Variants in MAP3K7CL observed in about 807,000 individuals in gnomAD.
MAP3K7CL encodes the protein MAP3K7 C-terminal-like protein.
MAP3K7CL carries 16 observed loss-of-function variants against 18.6 expected under a neutral mutation model. The ratio of observed to expected loss-of-function variants is 0.86; its 90% CI spans 0.58 to 1.31. MAP3K7CL has a LOEUF of 1.31. Among genes scored for constraint, MAP3K7CL ranks in the 50% most tolerant of loss-of-function variants. The pLI, the probability that MAP3K7CL is intolerant of heterozygous loss-of-function variation, is 0.00. For missense variants in MAP3K7CL, 163 were observed against 174.4 expected (o/e 0.93, Z 0.37); for synonymous variants, 65 against 66.8 (o/e 0.97, Z 0.13).
chr21:29,135,942 C>T (rs2086876377), intron 2 of MAP3K7CL, among the ~76,000 whole-genome samples: 1 of 152,152 alleles, frequency 6.6e-6, no homozygotes, highest in Admixed American at 6.5e-5. Flanking sequence ...AGGGCACCTA[C>T]CTGGAGAACC....
intron 4 of MAP3K7CL, among the ~76,000 whole-genome samples, chr21:29,094,282 T>C (rs558326740): frequency 1.3e-5 from 2 of 152,358 alleles, no homozygotes; most frequent in South Asian, 4.1e-4. Context: ...ATGTCCATAG[T>C]GCTGAATTTG....
chr21:29,086,359 C>T (rs1242645523), intron 1 of MAP3K7CL, among the ~76,000 whole-genome samples: 1 of 152,100 alleles, frequency 6.6e-6, no homozygotes. Flanking sequence ...AAATGAACTT[C>T]TCGAGGTTCA....
chr21:29,136,636 T>C (rs1418873726), intron 2 of MAP3K7CL, among the ~76,000 whole-genome samples: 1 of 152,124 alleles, frequency 6.6e-6, no homozygotes, highest in South Asian at 2.1e-4. Context: ...TTCTTCTGCC[T>C]GAGCCTCCTG....
intron 4 of MAP3K7CL, among the ~76,000 whole-genome samples, chr21:29,096,273 G>A (rs2086120155): frequency 6.6e-6 from 1 of 152,146 alleles, no homozygotes; most frequent in Non-Finnish European, 1.5e-5. Context: ...GCGTACTTTG[G>A]GCCAAGCACT....
chr21:29,124,549 C>G (rs2086652254), intron 4 of MAP3K7CL, among the ~76,000 whole-genome samples: 1 of 152,182 alleles, frequency 6.6e-6, no homozygotes, highest in African/African-American at 2.4e-5. Context: ...CACGTTATTC[C>G]CATCTGGGGA....
At chr21:29,159,877 A>G in intron 3 of MAP3K7CL, 64 bp from the exon 4 acceptor site, 1 of 1,342,336 alleles carries the variant, frequency 7.4e-7, no homozygotes, top group Non-Finnish European at 1.1e-6. Context: ...ATCAGCGAGC[A>G]AAATGGTTGG....
intron 2 of MAP3K7CL, among the ~76,000 whole-genome samples, chr21:29,148,510 A>G (rs1025763499): frequency 1.3e-5 from 2 of 152,212 alleles, no homozygotes; most frequent in Admixed American, 6.5e-5. Context: ...ATCCAGCAAC[A>G]GCTGCCTATT....
At chr21:29,082,997 T>G (rs1175212998), upstream of MAP3K7CL, among the ~76,000 whole-genome samples, 1 of 152,136 alleles carries the variant, frequency 6.6e-6, no homozygotes, top group Non-Finnish European at 1.5e-5. Flanking sequence ...GAAAAAACTC[T>G]AGCTAAACAT....
At chr21:29,166,187 A>G (rs1175123874) in intron 4 of MAP3K7CL, among the ~76,000 whole-genome samples, 3 of 152,102 alleles carry the variant, frequency 2.0e-5, no homozygotes, top group Admixed American at 6.6e-5. Flanking sequence ...ACCTCTGGTA[A>G]TCACTATTCT....
At chr21:29,102,203 T>C (rs1221625915) in intron 4 of MAP3K7CL, among the ~76,000 whole-genome samples, 2 of 152,166 alleles carry the variant, frequency 1.3e-5, no homozygotes, top group Admixed American at 1.3e-4. Flanking sequence ...GCGAACTGAG[T>C]CCAGGTTGGA....
At chr21:29,148,089 TTATA>T (rs1045040121) in intron 2 of MAP3K7CL, among the ~76,000 whole-genome samples, 2 of 152,044 alleles carry the variant, frequency 1.3e-5, no homozygotes, top group African/African-American at 4.8e-5. Context: ...TATATCTCTA[TTATA>T]TATGTATGTG....
In MAP3K7CL at chr21:29,159,953, T is replaced by G; in HGVS notation, c.145T>G (p.Cys49Gly). ...LDQQLQPLPP[C>G]HDSEESMEVF... ...GTTGTTTGTGAAGCCCCTGCCGCCTTGTCATGACTCCGAGGAATCCATGGA... is the reference window on the plus strand; with the variant it reads ...GTTGTTTGTGAAGCCCCTGCCGCCTGGTCATGACTCCGAGGAATCCATGGA... Residue 49 changes from cysteine (C) to glycine (G), a missense_variant, in exon 4 of 5, where the codon TGT becomes GGT. Physicochemically the swap from Cys to Gly is radical, Grantham distance 159. Transcript: ENST00000399928. The G allele has an allele frequency of 6.2e-7, 1 of 1,613,700 alleles. No homozygotes were observed.
intron 3 of MAP3K7CL, 136 bp from the exon 4 acceptor site, chr21:29,159,805 T>G (rs2087498052): frequency 1.6e-6 from 1 of 620,982 alleles, no homozygotes; most frequent in Non-Finnish European, 2.8e-6. Context: ...GAATGTTGAC[T>G]GACAATGCTG....
At chr21:29,094,255 C>A (rs573069865) in intron 4 of MAP3K7CL, among the ~76,000 whole-genome samples, 3 of 152,360 alleles carry the variant, frequency 2.0e-5, no homozygotes, top group African/African-American at 7.2e-5. Context: ...CCCGCAACAA[C>A]AATTATCTGG....
intron 4 of MAP3K7CL, among the ~76,000 whole-genome samples, chr21:29,165,628 G>A (rs1255256371): frequency 6.6e-6 from 1 of 152,204 alleles, no homozygotes; most frequent in African/African-American, 2.4e-5. Context: ...CTGCAGTGCA[G>A]CAGTGCGATC....
At chr21:29,108,390 T>C (rs2086361223) in intron 4 of MAP3K7CL, among the ~76,000 whole-genome samples, 1 of 152,190 alleles carries the variant, frequency 6.6e-6, no homozygotes. Flanking sequence ...AGCCTAGAAC[T>C]GTGAGAAATA....
At chr21:29,133,261 G>C (rs1222557588) in intron 1 of MAP3K7CL, 45 bp from the exon 2 acceptor site, 1 of 1,444,070 alleles carries the variant, frequency 6.9e-7, no homozygotes, top group Non-Finnish European at 9.5e-7. Flanking sequence ...TATTTAGGGG[G>C]ATGATGCTGG....
At chr21:29,167,893 G>A (rs1381128548) in intron 4 of MAP3K7CL, among the ~76,000 whole-genome samples, 1 of 151,926 alleles carries the variant, frequency 6.6e-6, no homozygotes, top group Non-Finnish European at 1.5e-5. Flanking sequence ...TAGAGATGGG[G>A]TTTCGCCATG....
intron 3 of MAP3K7CL, among the ~76,000 whole-genome samples, chr21:29,159,016 G>T (rs1215205010): frequency 2.0e-5 from 3 of 150,528 alleles, no homozygotes; most frequent in African/African-American, 7.4e-5. Flanking sequence ...CACCTCCTGG[G>T]TTCAAGCGAT....
Sources: allele counts gnomAD v4.1 joint callset (sites outside exome capture counted in the v4.1 genomes callset), GRCh38; gene constraint gnomAD v4.1.1; transcripts MANE v1.5; gene names NCBI Gene and HGNC (gene_info 2026-07-23, HGNC 2026-07-21).